The following CTNND2 variants were observed in gnomAD, a reference collection of about 807,000 sequenced individuals.
The protein encoded by CTNND2 is catenin delta-2.
Under a neutral mutation model 144.4 loss-of-function variants are expected in CTNND2, and 22 were observed. The ratio of observed to expected loss-of-function variants is 0.15; its 90% CI spans 0.11 to 0.22. CTNND2 has a LOEUF of 0.22. CTNND2 is among the 10% of genes least tolerant of loss of function. CTNND2 has a pLI of 1.00. For synonymous variants in CTNND2, 751 were observed against 695.6 expected (o/e 1.08, Z -1.25); for missense variants, 1,353 against 1,618.8 (o/e 0.84, Z 2.82).
chr5:11,332,076 G>A (rs1753202521), intron 9 of CTNND2, among the ~76,000 whole-genome samples: 1 of 152,010 alleles, frequency 6.6e-6, no homozygotes, highest in Non-Finnish European at 1.5e-5. Flanking sequence ...GGGAGTTCGA[G>A]AGCAGCCTGA....
At position 11,404,602 on chromosome 5, in the gene CTNND2, C is replaced by CTTTTTT. The variant is rs555388304; in HGVS notation, c.439+6928_439+6933dup. ...ATCAGTATCTGTCAGTATCTGTATT[C>CTTTTTT]TTTTTTTTTTTTTTTTTTTTTTTTT... is the stretch of plus-strand genomic sequence containing the variant. On this transcript the variant is annotated intron_variant, in intron 5 of 21. Transcript: ENST00000304623. Among the ~76,000 whole-genome samples the CTTTTTT allele has an allele frequency of 6.4e-3, 368 of 57,358 alleles. 106 individuals carry two copies. Among genetic ancestry groups the CTTTTTT allele is most frequent in the Non-Finnish European group, 9.2e-3 (231 of 25,178 alleles). The allele number at this position is 57,358 out of a possible 152,430, so 37.6% of individuals were successfully genotyped here. A position where few individuals can be genotyped will look rare whatever the true frequency, so the allele number is the denominator to read the frequency against.
intron 2 of CTNND2, among the ~76,000 whole-genome samples, chr5:11,647,520 G>GC (rs976045524): frequency 2.6e-4 from 39 of 151,744 alleles, no homozygotes; most frequent in African/African-American, 8.5e-4. Flanking sequence ...TGCTGATAGT[G>GC]CCCCCCGCAA....
rs927527191 is a variant in CTNND2 at position 11,845,223 on chromosome 5, T to C, written c.37+58594A>G. On this transcript the variant is annotated intron_variant, in intron 1 of 21. Transcript: ENST00000304623. ...CAGTCAGCTTTATAAAATCAGGGTC[T>C]AAACATCTTGTTTTCTTTTTTTATT... 4.7e-4 allele frequency among the ~76,000 whole-genome samples: 72 copies of C among 152,322 alleles called. 1 individual carries two copies. The highest frequency in any genetic ancestry group is 1.6e-3 in the African/African-American group (65 of 41,578).
intron 11 of CTNND2, among the ~76,000 whole-genome samples, chr5:11,184,798 G>A (rs756286475): frequency 1.5e-4 from 23 of 152,270 alleles, no homozygotes; most frequent in East Asian, 7.7e-4. Context: ...TATCAAGCAC[G>A]TTCCTCATTA....
At chr5:11,390,328 T>C (rs889924800) in intron 6 of CTNND2, among the ~76,000 whole-genome samples, 2 of 152,194 alleles carry the variant, frequency 1.3e-5, no homozygotes, top group African/African-American at 4.8e-5. Context: ...TGCTTCCAGA[T>C]TCTTTCACGC....
intron 12 of CTNND2, among the ~76,000 whole-genome samples, chr5:11,132,097 G>C (rs1755677129): frequency 6.6e-6 from 1 of 152,128 alleles, no homozygotes; most frequent in South Asian, 2.1e-4. Context: ...ACATACTCTT[G>C]GGTCTTAACC....
chr5:11,558,899 AAGT>A (rs1302376534), intron 3 of CTNND2, among the ~76,000 whole-genome samples: 1 of 151,978 alleles, frequency 6.6e-6, no homozygotes, highest in Non-Finnish European at 1.5e-5. Context: ...CGTGTAGACT[AAGT>A]AGGTAACACG....
chr5:11,629,348 T>C (rs1244521746), intron 2 of CTNND2, among the ~76,000 whole-genome samples: 1 of 152,084 alleles, frequency 6.6e-6, no homozygotes, highest in African/African-American at 2.4e-5. Context: ...GTAGAACAGA[T>C]CTATCTGGTG....
At position 11,404,602 on chromosome 5, in the gene CTNND2, C is replaced by CTTTTTTTTTTTTTTTTTTT. The variant is rs555388304; in HGVS notation, c.439+6915_439+6933dup. Among the ~76,000 whole-genome samples the CTTTTTTTTTTTTTTTTTTT allele has an allele frequency of 5.2e-5, 3 of 57,368 alleles. 1 individual carries two copies. Among genetic ancestry groups the CTTTTTTTTTTTTTTTTTTT allele is most frequent in the Non-Finnish European group, 7.9e-5 (2 of 25,180 alleles). 37.6% of individuals were successfully genotyped at this position (57,368 alleles called of 152,430 possible). On this transcript the variant is annotated intron_variant, in intron 5 of 21. Coordinates refer to ENST00000304623, the MANE Select transcript of CTNND2 (RefSeq NM_001332.4). ...ATCAGTATCTGTCAGTATCTGTATTCTTTTTTTTTTTTTTTTTTTTTTTTT... is the reference window on the plus strand; with the variant it reads ...ATCAGTATCTGTCAGTATCTGTATTCTTTTTTTTTTTTTTTTTTTTTTTTTTTTTTTTTTTTTTTTTTTT...
At chr5:11,750,243 A>G (rs994717668) in intron 1 of CTNND2, among the ~76,000 whole-genome samples, 3 of 151,958 alleles carry the variant, frequency 2.0e-5, no homozygotes, top group Non-Finnish European at 4.4e-5. Flanking sequence ...TTAAGGAATT[A>G]TAATTGAGTA....
At chr5:11,352,106 A>G (rs886449490) in intron 8 of CTNND2, among the ~76,000 whole-genome samples, 1 of 152,230 alleles carries the variant, frequency 6.6e-6, no homozygotes. Flanking sequence ...TGAACATACA[A>G]AATTTAAAAT....
At chr5:11,215,320 T>C (rs61751760) in intron 10 of CTNND2, among the ~76,000 whole-genome samples, 7,717 of 152,284 alleles carry the variant, frequency 0.051, 528 homozygotes, top group African/African-American at 0.16. Context: ...ATGTTTTTCT[T>C]ACAGCTTTAT....
chr5:11,640,899 G>A (rs1561647505), intron 2 of CTNND2, among the ~76,000 whole-genome samples: 1 of 152,130 alleles, frequency 6.6e-6, no homozygotes, highest in Non-Finnish European at 1.5e-5. Context: ...TGACCAATGG[G>A]AGTGGTATAT....
At chr5:11,325,903 T>C (rs547666966) in intron 9 of CTNND2, among the ~76,000 whole-genome samples, 1 of 152,256 alleles carries the variant, frequency 6.6e-6, no homozygotes, top group South Asian at 2.1e-4. Flanking sequence ...CTATGAGGAC[T>C]GCACCCAAAT....
intron 9 of CTNND2, among the ~76,000 whole-genome samples, chr5:11,339,899 T>A (rs761843433): frequency 6.6e-6 from 1 of 152,242 alleles, no homozygotes; most frequent in Non-Finnish European, 1.5e-5. Flanking sequence ...GTAGCCCTAA[T>A]GGGCTAAGAC....
chr5:11,532,384 C>A (rs991336295), intron 3 of CTNND2, among the ~76,000 whole-genome samples: 1 of 147,902 alleles, frequency 6.8e-6, no homozygotes, highest in Admixed American at 7.1e-5. Flanking sequence ...TCCCAGGGAA[C>A]CTGAATAATG....
chr5:11,138,657 C>T (rs1158332375), intron 12 of CTNND2, among the ~76,000 whole-genome samples: 1 of 152,224 alleles, frequency 6.6e-6, no homozygotes, highest in African/African-American at 2.4e-5. Flanking sequence ...AACCTTGTTA[C>T]ATCACACAGA....
chr5:11,884,254 G>A (rs780373744), intron 1 of CTNND2, among the ~76,000 whole-genome samples: 1 of 152,102 alleles, frequency 6.6e-6, no homozygotes, highest in Non-Finnish European at 1.5e-5. Flanking sequence ...CTTTGCCCAT[G>A]CCTATCTCCT....
chr5:11,156,160 C>T (rs1990004), intron 12 of CTNND2, among the ~76,000 whole-genome samples: 72,031 of 152,076 alleles, frequency 0.47, 17,686 homozygotes, highest in Admixed American at 0.56. Context: ...AGAATAGTGT[C>T]ACATTGTCAG....
Sources: allele counts gnomAD v4.1 joint callset (sites outside exome capture counted in the v4.1 genomes callset), GRCh38; gene constraint gnomAD v4.1.1; transcripts MANE v1.5; gene names NCBI Gene and HGNC (gene_info 2026-07-23, HGNC 2026-07-21).